Variants in KCNIP4 observed in about 807,000 individuals in gnomAD.
The protein encoded by KCNIP4 is Kv channel-interacting protein 4.
A neutral mutation model predicts 34.0 loss-of-function variants in KCNIP4; 12 were observed. That is an observed-to-expected ratio of 0.35 (90% CI 0.23 to 0.57). The LOEUF is 0.57. Ranked by LOEUF, KCNIP4 falls within the 20% of genes least tolerant of loss-of-function variation. The pLI is 0.83. For missense variants in KCNIP4, 238 were observed against 311.7 expected (o/e 0.76, Z 1.78); for synonymous variants, 124 against 102.2 (o/e 1.21, Z -1.29).
At chr4:20,873,096 G>C (rs1054075591) in intron 2 of KCNIP4, among the ~76,000 whole-genome samples, 1 of 152,084 alleles carries the variant, frequency 6.6e-6, no homozygotes, top group Non-Finnish European at 1.5e-5. Context: ...ATTCCACCAT[G>C]TGTTTCAAAT....
At chr4:21,634,102 T>C (rs954821179) in intron 1 of KCNIP4, among the ~76,000 whole-genome samples, 2 of 151,392 alleles carry the variant, frequency 1.3e-5, no homozygotes, top group African/African-American at 4.8e-5. Context: ...ATCTCAGAGG[T>C]CCACACCTCA....
chr4:21,442,817 T>A (rs1727605546), intron 1 of KCNIP4, among the ~76,000 whole-genome samples: 1 of 152,162 alleles, frequency 6.6e-6, no homozygotes, highest in African/African-American at 2.4e-5. Context: ...TGCTAGCAAC[T>A]CCCAAGTTCA....
At position 21,925,893 on chromosome 4, in the gene KCNIP4, T is replaced by C. The variant is rs1729220780; in HGVS notation, c.61+22678A>G. Among the ~76,000 whole-genome samples, 7 of 152,160 alleles carry C rather than the reference T, an allele frequency of 4.6e-5. No homozygotes were observed. In the South Asian group the frequency reaches 1.5e-3, roughly 32 times the overall value. On this transcript the variant is annotated intron_variant, in intron 1 of 8. Transcript: ENST00000382152. ...ATAAATGATAATGGGACACTGGAGC[T>C]GGAAGACCTAGGTTGGAGCCCCATT...
Position 21,714,785 on chromosome 4 carries a change from G to GATTATTTTATTTTATTTT in KCNIP4, c.61+233768_61+233785dup, listed in dbSNP as rs1714034555. Among the ~76,000 whole-genome samples, 34 of 43,388 alleles carry GATTATTTTATTTTATTTT rather than the reference G, an allele frequency of 7.8e-4. 13 individuals carry two copies. The highest frequency in any genetic ancestry group is 1.4e-3 in the Admixed American group (4 of 2,858). The allele number at this position is 43,388 out of a possible 152,430, so 28.5% of individuals were successfully genotyped here. A position where few individuals can be genotyped will look rare whatever the true frequency, so the allele number is the denominator to read the frequency against. ...AAGAATGTGTTAGTAATTTCCCTTTGATTATTTTATTTTATTTTATTTTAT... is the reference window on the plus strand; with the variant it reads ...AAGAATGTGTTAGTAATTTCCCTTTGATTATTTTATTTTATTTTATTATTTTATTTTATTTTATTTTAT... On this transcript the variant is annotated intron_variant, in intron 1 of 8. Coordinates refer to ENST00000382152, the MANE Select transcript of KCNIP4 (RefSeq NM_025221.6).
At chr4:21,297,123 T>TA (rs1763888902) in intron 1 of KCNIP4, among the ~76,000 whole-genome samples, 1 of 150,968 alleles carries the variant, frequency 6.6e-6, no homozygotes, top group South Asian at 2.1e-4. Context: ...TATATATATA[T>TA]TTGGAAAGGA....
At chr4:20,909,071 T>C (rs189655676) in intron 1 of KCNIP4, among the ~76,000 whole-genome samples, 156 of 152,322 alleles carry the variant, frequency 1.0e-3, no homozygotes, top group African/African-American at 3.4e-3. Context: ...AGCCATTACA[T>C]AATCTGTTAC....
chr4:21,273,719 A>T (rs1408149601), intron 1 of KCNIP4, among the ~76,000 whole-genome samples: 1 of 152,240 alleles, frequency 6.6e-6, no homozygotes, highest in African/African-American at 2.4e-5. Flanking sequence ...AAGCTGCTGC[A>T]ATTCTTCCAA....
intron 1 of KCNIP4, among the ~76,000 whole-genome samples, chr4:21,466,823 A>T (rs925247566): frequency 5.3e-5 from 8 of 151,952 alleles, no homozygotes; most frequent in African/African-American, 1.9e-4. Flanking sequence ...CCACCCTACA[A>T]TCGCAGTACC....
intron 1 of KCNIP4, among the ~76,000 whole-genome samples, chr4:21,327,857 T>C (rs1715248326): frequency 6.6e-6 from 1 of 152,044 alleles, no homozygotes; most frequent in Non-Finnish European, 1.5e-5. Flanking sequence ...CATTCTTTAG[T>C]ATGTCAATTG....
intron 1 of KCNIP4, among the ~76,000 whole-genome samples, chr4:21,060,469 T>C (rs565135585): frequency 6.6e-6 from 1 of 152,304 alleles, no homozygotes; most frequent in South Asian, 2.1e-4. Flanking sequence ...TAGAAGGCCA[T>C]TGCATTCCTC....
intron 1 of KCNIP4, among the ~76,000 whole-genome samples, chr4:21,682,088 C>T (rs1439009679): frequency 6.6e-6 from 1 of 151,962 alleles, no homozygotes; most frequent in African/African-American, 2.4e-5. Context: ...GACAGGGTTT[C>T]ACCATGTTAG....
intron 1 of KCNIP4, among the ~76,000 whole-genome samples, chr4:21,011,405 A>G (rs1739053718): frequency 6.6e-6 from 1 of 152,234 alleles, no homozygotes; most frequent in Non-Finnish European, 1.5e-5. Context: ...GGTCTGGGAT[A>G]CTTGGACAAT....
At chr4:20,920,111 T>C (rs1255044129) in intron 1 of KCNIP4, among the ~76,000 whole-genome samples, 2 of 152,372 alleles carry the variant, frequency 1.3e-5, no homozygotes, top group East Asian at 1.9e-4. Context: ...GTAATTTTCA[T>C]ATATTGAAAT....
chr4:21,637,970 A>G (rs1746341160), intron 1 of KCNIP4, among the ~76,000 whole-genome samples: 1 of 152,072 alleles, frequency 6.6e-6, no homozygotes, highest in Non-Finnish European at 1.5e-5. Flanking sequence ...TCTTTCCTCT[A>G]CAGGAATGGG....
intron 1 of KCNIP4, among the ~76,000 whole-genome samples, chr4:21,015,877 T>G (rs1363782364): frequency 1.4e-5 from 2 of 140,620 alleles, no homozygotes; most frequent in Admixed American, 7.5e-5. Context: ...TAAAAATATA[T>G]AAATATATAC....
chr4:21,479,022 G>A (rs926954496), intron 1 of KCNIP4, among the ~76,000 whole-genome samples: 4 of 152,112 alleles, frequency 2.6e-5, no homozygotes, highest in Non-Finnish European at 5.9e-5. Context: ...ACTATAACAT[G>A]CCAATCACTT....
At chr4:21,877,349 A>G (rs1169460436) in intron 1 of KCNIP4, among the ~76,000 whole-genome samples, 3 of 151,874 alleles carry the variant, frequency 2.0e-5, no homozygotes, top group Non-Finnish European at 4.4e-5. Context: ...GTGAAACTCC[A>G]TCTCAAAAAT....
intron 1 of KCNIP4, among the ~76,000 whole-genome samples, chr4:21,553,304 A>C (rs1416024613): frequency 2.0e-5 from 3 of 152,166 alleles, no homozygotes; most frequent in Non-Finnish European, 4.4e-5. Flanking sequence ...TCCGTTCCGT[A>C]AATTGAAATC....
In KCNIP4 at chr4:20,812,928, TGTGTGA is replaced by T. The variant is rs533351459; in HGVS notation, c.288+37609_288+37614del. Among the ~76,000 whole-genome samples, 350 of 130,558 alleles carry T rather than the reference TGTGTGA, an allele frequency of 2.7e-3. 2 individuals are homozygous for T. The highest frequency in any genetic ancestry group is 8.9e-3 in the African/African-American group (338 of 38,070). 85.7% of individuals were successfully genotyped at this position (130,558 alleles called of 152,430 possible). On this transcript the variant is annotated intron_variant, in intron 3 of 8. Coordinates refer to ENST00000382152, the MANE Select transcript of KCNIP4 (RefSeq NM_025221.6). ...CTGCGTACCTCCAATTTCTTGTTTG[TGTGTGA>T]GTGTGTGTGTGTGTGTGTGTAATCA...
Sources: gnomAD v4.1 joint callset for allele counts (sites outside exome capture counted in the v4.1 genomes callset) on GRCh38, gnomAD v4.1.1 for gene constraint, MANE v1.5 for transcripts, NCBI Gene and HGNC (gene_info 2026-07-23, HGNC 2026-07-21) for gene names.